The following LRRC3C variants were observed in gnomAD, a reference collection of about 807,000 sequenced individuals.
LRRC3C encodes leucine rich repeat containing 3C, also known as leucine-rich repeat-containing protein 3C.
Under a neutral mutation model 14.8 loss-of-function variants are expected in LRRC3C, and 11 were observed. The ratio of observed to expected loss-of-function variants is 0.74; its 90% CI spans 0.47 to 1.23. The LOEUF is 1.23. LRRC3C is among the 50% of genes most tolerant of loss of function. The probability of loss-of-function intolerance (pLI) is 0.00; values close to 1 mark genes in which losing one functional copy is unlikely to be tolerated. For synonymous variants in LRRC3C, 149 were observed against 161.5 expected, an observed-to-expected ratio of 0.92 and a Z score of 0.59; for missense variants, 354 against 361.8, an observed-to-expected ratio of 0.98 and a Z score of 0.18.
At chr17:39,943,514 G>A (rs1056362290) in intron 3 of LRRC3C, among the ~76,000 whole-genome samples, 2 of 152,148 alleles carry the variant, frequency 1.3e-5, no homozygotes, top group Non-Finnish European at 1.5e-5. Flanking sequence ...TCCATCACGC[G>A]AGTGCCAACC....
intron 1 of LRRC3C, among the ~76,000 whole-genome samples, chr17:39,932,155 C>T (rs1207968809): frequency 6.6e-6 from 1 of 152,098 alleles, no homozygotes; most frequent in African/African-American, 2.4e-5. Flanking sequence ...GCTTCAGTTA[C>T]CTCGTTGCTA....
chr17:39,935,240 C>T (rs1476369624), intron 1 of LRRC3C, among the ~76,000 whole-genome samples: 9 of 152,144 alleles, frequency 5.9e-5, no homozygotes, highest in Non-Finnish European at 1.3e-4. Flanking sequence ...GCCTCAGCCT[C>T]GTACCCTTTT....
intron 1 of LRRC3C, among the ~76,000 whole-genome samples, chr17:39,935,193 G>A (rs571178330): frequency 6.6e-6 from 1 of 152,186 alleles, no homozygotes; most frequent in South Asian, 2.1e-4. Context: ...AGAACTGCAC[G>A]TCCCAGACCA....
chr17:39,942,526 G>T (rs953879968), intron 3 of LRRC3C, among the ~76,000 whole-genome samples: 6 of 122,054 alleles, frequency 4.9e-5, no homozygotes, highest in African/African-American at 1.7e-4. Flanking sequence ...CATAAAATCA[G>T]CAGGAAAACT....
At chr17:39,937,444 T>A (rs1978829264) in intron 2 of LRRC3C, among the ~76,000 whole-genome samples, 1 of 151,978 alleles carries the variant, frequency 6.6e-6, no homozygotes. Context: ...CTCAAAAAAA[T>A]AAATAAATAA....
chr17:39,943,257 G>A (rs1256833110), intron 3 of LRRC3C, among the ~76,000 whole-genome samples: 2 of 152,302 alleles, frequency 1.3e-5, no homozygotes, highest in Admixed American at 6.5e-5. Context: ...GGGAGCCTAC[G>A]TCCAGGGACA....
At chr17:39,931,916 G>C (rs1480297560) in intron 1 of LRRC3C, among the ~76,000 whole-genome samples, 1 of 152,124 alleles carries the variant, frequency 6.6e-6, no homozygotes, top group African/African-American at 2.4e-5. Flanking sequence ...CTCCCAAAGT[G>C]CTGGGATTAC....
Position 39,944,801 on chromosome 17 carries a change from C to T in LRRC3C, c.*67C>T, listed in dbSNP as rs540627708. 444 of 1,428,086 alleles carry T rather than the reference C, an allele frequency of 3.1e-4. 3 individuals carry two copies. The African/African-American group carries it at 4.7e-3, about 15-fold the overall frequency. 88.5% of individuals were successfully genotyped at this position (1,428,086 alleles called of 1,614,324 possible). On this transcript the variant is annotated 3_prime_UTR_variant, in exon 4 of 4. Coordinates refer to ENST00000377924, the MANE Select transcript of LRRC3C (RefSeq NM_001195545.2). The stretch of plus-strand genomic sequence containing the variant: ...CCTATGCCCTCTCCTTTGCTCTGAC[C>T]CCCTCTGCCTCCTGTGCAGCTTCAC...
chr17:39,927,891 G>C (rs912838261), intron 1 of LRRC3C, 77 bp downstream of exon 1: 8 of 983,104 alleles, frequency 8.1e-6, no homozygotes, highest in Non-Finnish European at 8.5e-6. Context: ...CAGATGAGGA[G>C]ACTCGGACTT....
At position 39,944,492 on chromosome 17, in the gene LRRC3C, G is replaced by A. The variant is rs562070106; in HGVS notation, c.586G>A (p.Val196Met). 203 of 1,488,428 alleles carry A rather than the reference G, an allele frequency of 1.4e-4. No individual in the cohort carries two copies. Among genetic ancestry groups the A allele is most frequent in the Non-Finnish European group, 1.5e-4 (170 of 1,120,976 alleles). 92.2% of individuals were successfully genotyped at this position (1,488,428 alleles called of 1,614,324 possible). A position where few individuals can be genotyped will look rare whatever the true frequency, so the allele number is the denominator to read the frequency against. ...VCGSGARPDL[V>M]GQEFLLLAGE... is the part of the protein sequence containing the mutation. ...TGGCTCAGGAGCCCGACCGGACCTC[G>A]TGGGGCAGGAGTTCCTGCTGCTGGC... Residue 196 changes from valine (V) to methionine (M), a missense_variant, in exon 4 of 4, where the codon GTG (valine) becomes ATG (methionine). Transcript: ENST00000377924.
At chr17:39,940,226 T>C (rs924137499) in intron 2 of LRRC3C, among the ~76,000 whole-genome samples, 16 of 152,134 alleles carry the variant, frequency 1.1e-4, no homozygotes, top group African/African-American at 3.9e-4. Context: ...AGAGATGATA[T>C]CATCTGGCAT....
At chr17:39,929,873 G>A (rs1022037822) in intron 1 of LRRC3C, among the ~76,000 whole-genome samples, 2 of 152,052 alleles carry the variant, frequency 1.3e-5, no homozygotes, top group East Asian at 3.8e-4. Context: ...GGCAGTATGG[G>A]GAATGTTTGC....
chr17:39,942,953 A>G (rs1179587823), intron 3 of LRRC3C, among the ~76,000 whole-genome samples: 1 of 152,200 alleles, frequency 6.6e-6, no homozygotes, highest in Non-Finnish European at 1.5e-5. Flanking sequence ...AGTTCTGGGA[A>G]GCAGTTTCAG....
chr17:39,939,543 T>A, intron 2 of LRRC3C: 1 of 377,218 alleles, frequency 2.7e-6, no homozygotes, highest in Non-Finnish European at 3.6e-6. Flanking sequence ...AACTAATCTG[T>A]AAAAGCTCCC....
intron 1 of LRRC3C, among the ~76,000 whole-genome samples, chr17:39,931,555 G>A (rs1023291889): frequency 4.6e-5 from 7 of 151,716 alleles, no homozygotes; most frequent in African/African-American, 1.7e-4. Context: ...TCTGGACTGG[G>A]AACCATAGGG....
chr17:39,937,431 C>T (rs969483768), intron 2 of LRRC3C, among the ~76,000 whole-genome samples: 3 of 151,928 alleles, frequency 2.0e-5, no homozygotes, highest in African/African-American at 7.3e-5. Context: ...AGTGAAACTC[C>T]GTCTCAAAAA....
At chr17:39,932,840 T>G (rs1978687652) in intron 1 of LRRC3C, among the ~76,000 whole-genome samples, 1 of 150,472 alleles carries the variant, frequency 6.6e-6, no homozygotes, top group African/African-American at 2.5e-5. Flanking sequence ...TCATCTGAGG[T>G]CAGGAGTTCG....
intron 2 of LRRC3C, among the ~76,000 whole-genome samples, chr17:39,938,979 ACTC>A (rs1978870727): frequency 6.7e-6 from 1 of 149,844 alleles, no homozygotes; most frequent in African/African-American, 2.5e-5. Flanking sequence ...TCAGAGAGAG[ACTC>A]CAGACTCTGC....
At position 39,944,186 on chromosome 17, in the gene LRRC3C, G is replaced by A. The variant is rs1212755497; in HGVS notation, c.280G>A (p.Val94Met). The change falls in exon 4 of 4, where the codon GTG becomes ATG. Residue 94 changes from valine to methionine, a missense_variant. Val to Met is a conservative substitution (Grantham distance 21). Coordinates refer to ENST00000377924, the MANE Select transcript of LRRC3C (RefSeq NM_001195545.2). ...CCTGGATGCCAACCAGCTGGCATCG[G>A]TGCCTGCTGGTGCCTTCCAGCACCT... ...LYLDANQLAS[V>M]PAGAFQHLPV... The A allele has an allele frequency of 5.2e-6, 8 of 1,536,080 alleles. No homozygotes were observed. The highest frequency in any genetic ancestry group is 1.7e-4 in the Middle Eastern group (1 of 5,988).
Sources: gnomAD v4.1 joint callset for allele counts (sites outside exome capture counted in the v4.1 genomes callset) on GRCh38, gnomAD v4.1.1 for gene constraint, MANE v1.5 for transcripts, NCBI Gene and HGNC (gene_info 2026-07-23, HGNC 2026-07-21) for gene names.